NBAS: variants seen among roughly 807,000 people sequenced by gnomAD.
NBAS encodes the protein NBAS subunit of NRZ tethering complex.
A neutral mutation model predicts 302.5 loss-of-function variants in NBAS; 219 were observed. The ratio of observed to expected loss-of-function variants is 0.72; its 90% CI spans 0.65 to 0.81. NBAS has a LOEUF of 0.81. NBAS is among the 30% of genes least tolerant of loss of function. The probability of loss-of-function intolerance (pLI) is 0.00; values close to 1 mark genes in which losing one functional copy is unlikely to be tolerated. For synonymous variants in NBAS, 1,118 were observed against 1,021.6 expected (o/e 1.09, Z -1.80); for missense variants, 2,932 against 2,841.6 (o/e 1.03, Z -0.72).
intron 44 of NBAS, among the ~76,000 whole-genome samples, chr2:15,254,703 T>A (rs1158986891): frequency 6.6e-6 from 1 of 152,148 alleles, no homozygotes; most frequent in Non-Finnish European, 1.5e-5. Context: ...CCCTCCACCC[T>A]TCCCCACCAA....
chr2:15,327,047 TACAATAAAAAGTAATAAG>T (rs1169397435), intron 38 of NBAS, among the ~76,000 whole-genome samples: 2 of 139,668 alleles, frequency 1.4e-5, no homozygotes, highest in Non-Finnish European at 3.1e-5. Context: ...TGGCCAGTAA[TACAATAAAAAGTAATAAG>T]TAATAAAATA....
intron 10 of NBAS, among the ~76,000 whole-genome samples, chr2:15,505,454 T>C (rs1021103989): frequency 2.6e-5 from 4 of 151,830 alleles, no homozygotes; most frequent in Non-Finnish European, 5.9e-5. Context: ...CAGGAAGAAG[T>C]GCCTTTTGCC....
chr2:15,162,231 T>C (rs531866391), downstream of NBAS, among the ~76,000 whole-genome samples: 4 of 152,314 alleles, frequency 2.6e-5, no homozygotes, highest in South Asian at 8.3e-4. Flanking sequence ...ACAACACGCA[T>C]CCCATCTGCC....
the NBAS span, among the ~76,000 whole-genome samples, chr2:14,894,919 G>C: frequency 2.0e-5 from 3 of 152,108 alleles, no homozygotes; most frequent in African/African-American, 4.8e-5. Context: ...TTAGTTGGGC[G>C]TGGTGAAGCG....
At chr2:15,272,807 T>C (rs1669381621) in intron 44 of NBAS, among the ~76,000 whole-genome samples, 4 of 152,134 alleles carry the variant, frequency 2.6e-5, no homozygotes, top group African/African-American at 9.7e-5. Context: ...AAAATACACA[T>C]ATGTGCACCA....
At chr2:14,866,974 T>C in the NBAS span, among the ~76,000 whole-genome samples, 1 of 152,188 alleles carries the variant, frequency 6.6e-6, no homozygotes, top group Non-Finnish European at 1.5e-5. Flanking sequence ...AATAATAATA[T>C]ATGCCTGACT....
At chr2:15,094,660 G>A in the NBAS span, among the ~76,000 whole-genome samples, 1 of 152,190 alleles carries the variant, frequency 6.6e-6, no homozygotes, top group Admixed American at 6.5e-5. Context: ...TTTGTGCTGA[G>A]AATATGCGGA....
chr2:15,360,646 A>T (rs1026446551), intron 32 of NBAS, among the ~76,000 whole-genome samples: 5 of 116,184 alleles, frequency 4.3e-5, no homozygotes, highest in Admixed American at 9.7e-5. Context: ...CGCCATGACC[A>T]GCCTTTTTTT....
the NBAS span, among the ~76,000 whole-genome samples, chr2:15,118,968 T>C: frequency 1.4e-4 from 22 of 152,088 alleles, no homozygotes; most frequent in African/African-American, 5.1e-4. Flanking sequence ...AGAGAGGTAG[T>C]GGGGTACCCA....
the NBAS span, among the ~76,000 whole-genome samples, chr2:15,074,128 C>T: frequency 6.6e-6 from 1 of 151,986 alleles, no homozygotes; most frequent in African/African-American, 2.4e-5. Context: ...CAGAATAGCT[C>T]CAAAAACTCA....
At chr2:14,807,601 G>C in the NBAS span, among the ~76,000 whole-genome samples, 4 of 152,040 alleles carry the variant, frequency 2.6e-5, no homozygotes, top group Non-Finnish European at 4.4e-5. Flanking sequence ...AACATCTACA[G>C]ATTTTTTTAC....
chr2:14,981,088 A>G, the NBAS span, among the ~76,000 whole-genome samples: 1 of 152,164 alleles, frequency 6.6e-6, no homozygotes, highest in African/African-American at 2.4e-5. Flanking sequence ...AGAAAAATTT[A>G]TCAAATAAAT....
At chr2:15,367,983 T>C (rs1674291865) in intron 31 of NBAS, among the ~76,000 whole-genome samples, 1 of 152,172 alleles carries the variant, frequency 6.6e-6, no homozygotes, top group Admixed American at 6.5e-5. Flanking sequence ...AATATGTATA[T>C]ACACACACAA....
At chr2:15,348,226 C>T (rs1673183949) in intron 35 of NBAS, among the ~76,000 whole-genome samples, 1 of 152,152 alleles carries the variant, frequency 6.6e-6, no homozygotes, top group Admixed American at 6.6e-5. Flanking sequence ...TTCATGAGAT[C>T]TAGATCTATT....
chr2:14,787,645 T>C, the NBAS span, among the ~76,000 whole-genome samples: 1 of 152,234 alleles, frequency 6.6e-6, no homozygotes, highest in Admixed American at 6.5e-5. Flanking sequence ...TGTTGGATAT[T>C]GGCCCCCACT....
At chr2:15,320,811 C>A (rs1671768678) in intron 38 of NBAS, among the ~76,000 whole-genome samples, 1 of 152,128 alleles carries the variant, frequency 6.6e-6, no homozygotes, top group Non-Finnish European at 1.5e-5. Flanking sequence ...TGAAAATGGC[C>A]ATACTGTCCA....
the NBAS span, among the ~76,000 whole-genome samples, chr2:15,019,357 T>C: frequency 3.9e-5 from 6 of 152,146 alleles, no homozygotes; most frequent in African/African-American, 1.4e-4. Flanking sequence ...CATCAAAAGT[T>C]TGGAATTCTC....
intron 23 of NBAS, among the ~76,000 whole-genome samples, chr2:15,420,418 G>C (rs1026724895): frequency 7.2e-5 from 11 of 152,128 alleles, no homozygotes; most frequent in African/African-American, 2.7e-4. Flanking sequence ...AAAAAGCAGA[G>C]TGGCTATTTC....
rs1558395881 is a variant in NBAS, at chr2:15,504,230, T to C, written c.886-17A>G. 2 of 1,585,354 alleles carry C rather than the reference T, an allele frequency of 1.3e-6. No homozygotes were observed. The highest frequency in any genetic ancestry group is 1.7e-6 in the Non-Finnish European group (2 of 1,154,008). ...CTTCGGTACCTGCAAAATAAATGCATCATATGAAGAAAGATTACTGAAATG... is the reference window on the plus strand; with the variant it reads ...CTTCGGTACCTGCAAAATAAATGCACCATATGAAGAAAGATTACTGAAATG... On this transcript the variant is annotated splice_polypyrimidine_tract_variant and intron_variant, in intron 10 of 51. Coordinates refer to ENST00000281513, the MANE Select transcript of NBAS (RefSeq NM_015909.4).
Sources: gnomAD v4.1 joint callset for allele counts (sites outside exome capture counted in the v4.1 genomes callset) on GRCh38, gnomAD v4.1.1 for gene constraint, MANE v1.5 for transcripts, NCBI Gene and HGNC (gene_info 2026-07-23, HGNC 2026-07-21) for gene names.